The following MTMR7 variants were observed in gnomAD, a reference collection of about 807,000 sequenced individuals.
The protein encoded by MTMR7 is phosphatidylinositol-3-phosphate phosphatase MTMR7.
MTMR7 carries 76 observed loss-of-function variants against 81.2 expected under a neutral mutation model. The observed-to-expected ratio is 0.94, with a 90% CI of 0.78 to 1.13. The LOEUF is 1.13. MTMR7 is among the 50% of genes most tolerant of loss of function. MTMR7 has a pLI of 0.00. For synonymous variants in MTMR7, 372 were observed against 289.8 expected (o/e 1.28, Z -2.88); for missense variants, 1,044 against 820.0 (o/e 1.27, Z -3.34).
Position 17,299,689 on chromosome 8 carries a change from TC to T in MTMR7, c.*172del, listed in dbSNP as rs1816972855. 1 of 786,504 alleles carries T rather than the reference TC, an allele frequency of 1.3e-6. No homozygotes were observed. The highest frequency in any genetic ancestry group is 1.7e-5 in the African/African-American group (1 of 57,328). 48.7% of individuals were successfully genotyped at this position (786,504 alleles called of 1,614,324 possible). ...TTTGATAAATGAAATGACTACGTCC[TC>T]TTCAGTATCTAAGAAATCAAGAACT... On this transcript the variant is annotated 3_prime_UTR_variant, in exon 14 of 14. Coordinates refer to ENST00000180173, the MANE Select transcript of MTMR7 (RefSeq NM_004686.5).
chr8:17,310,335 A>G (rs1162861962), intron 9 of MTMR7, among the ~76,000 whole-genome samples: 1 of 152,112 alleles, frequency 6.6e-6, no homozygotes, highest in Non-Finnish European at 1.5e-5. Flanking sequence ...AGTAATATGG[A>G]TAGTCTCATC....
chr8:17,336,067 G>A (rs17124409), intron 6 of MTMR7, among the ~76,000 whole-genome samples: 2,550 of 152,294 alleles, frequency 0.017, 70 homozygotes, highest in African/African-American at 0.057. Flanking sequence ...CGGTTGACAT[G>A]AGTTGGTCAC....
At chr8:17,350,176 C>G (rs1436838852) in intron 4 of MTMR7, among the ~76,000 whole-genome samples, 1 of 152,200 alleles carries the variant, frequency 6.6e-6, no homozygotes, top group African/African-American at 2.4e-5. Context: ...TGTCAGGCAC[C>G]TCTTTACTTC....
In MTMR7 at chr8:17,366,006, G is replaced by C. The variant is rs528677593; in HGVS notation, c.311-4732C>G. On this transcript the variant is annotated intron_variant, in intron 3 of 13. Transcript: ENST00000180173. ...TGTTCATTGTGCTCCCCTTAACCTA[G>C]GGAAGCCTAGGGCACTACAGTGCAG... 5.3e-5 allele frequency among the ~76,000 whole-genome samples: 8 copies of C among 152,192 alleles called. No homozygotes were observed. In the South Asian group the frequency reaches 1.5e-3, roughly 28 times the overall value.
intron 4 of MTMR7, among the ~76,000 whole-genome samples, chr8:17,350,394 C>G (rs377277476): frequency 2.0e-5 from 3 of 152,230 alleles, no homozygotes; most frequent in East Asian, 3.8e-4. Flanking sequence ...AGAGGCACGT[C>G]TTACGTGGTA....
chr8:17,301,440 AAGGT>A (rs1369001197), intron 13 of MTMR7, among the ~76,000 whole-genome samples: 1 of 152,180 alleles, frequency 6.6e-6, no homozygotes, highest in Non-Finnish European at 1.5e-5. Flanking sequence ...GACAAACACA[AAGGT>A]AGGAAGGTCT....
At chr8:17,309,170 G>T in intron 10 of MTMR7, 107 bp downstream of exon 10, 2 of 746,670 alleles carry the variant, frequency 2.7e-6, no homozygotes, top group South Asian at 3.3e-5. Flanking sequence ...CTGAATAAGA[G>T]ACACAAACTC....
chr8:17,359,045 C>A (rs909540265), intron 4 of MTMR7, among the ~76,000 whole-genome samples: 5 of 152,052 alleles, frequency 3.3e-5, no homozygotes, highest in African/African-American at 1.2e-4. Flanking sequence ...AGGTGCACAC[C>A]TCCATGTCCA....
chr8:17,375,030 A>G (rs1820536022), intron 1 of MTMR7, among the ~76,000 whole-genome samples: 1 of 151,000 alleles, frequency 6.6e-6, no homozygotes, highest in Non-Finnish European at 1.5e-5. Flanking sequence ...CAGAGGTTGC[A>G]GTGAGCCGAG....
chr8:17,352,758 G>C (rs544214420), intron 4 of MTMR7, among the ~76,000 whole-genome samples: 1 of 152,238 alleles, frequency 6.6e-6, no homozygotes, highest in Admixed American at 6.5e-5. Context: ...TGTTAGGATG[G>C]CCACTATTAC....
intron 5 of MTMR7, among the ~76,000 whole-genome samples, chr8:17,345,013 A>G (rs1819508963): frequency 6.6e-6 from 1 of 152,194 alleles, no homozygotes; most frequent in Admixed American, 6.5e-5. Flanking sequence ...TAGCAATTCT[A>G]AGAACTCTCA....
At chr8:17,307,260 AT>A (rs1473523826) in intron 10 of MTMR7, among the ~76,000 whole-genome samples, 1 of 152,252 alleles carries the variant, frequency 6.6e-6, no homozygotes, top group Non-Finnish European at 1.5e-5. Flanking sequence ...GAAGACATTT[AT>A]GCAGCCAAAA....
At chr8:17,316,232 G>A (rs748242937) in intron 7 of MTMR7, among the ~76,000 whole-genome samples, 1 of 151,674 alleles carries the variant, frequency 6.6e-6, no homozygotes, top group Non-Finnish European at 1.5e-5. Flanking sequence ...ATTTATGTTA[G>A]CCCTTATTAC....
chr8:17,378,863 A>T (rs569095180), intron 1 of MTMR7, among the ~76,000 whole-genome samples: 80 of 152,298 alleles, frequency 5.3e-4, no homozygotes, highest in African/African-American at 1.7e-3. Context: ...GATGTCTTAG[A>T]TTTGTTGAAA....
chr8:17,323,885 A>T (rs1232404562), intron 7 of MTMR7, among the ~76,000 whole-genome samples: 2 of 152,194 alleles, frequency 1.3e-5, no homozygotes, highest in African/African-American at 4.8e-5. Context: ...GTTCTCTGAA[A>T]ATCTGCCATC....
chr8:17,395,390 G>A (rs1435455005), intron 1 of MTMR7, among the ~76,000 whole-genome samples: 1 of 152,142 alleles, frequency 6.6e-6, no homozygotes, highest in African/African-American at 2.4e-5. Flanking sequence ...GGGCATACCA[G>A]TATCTGTTTG....
At chr8:17,378,661 G>T (rs150895996) in intron 1 of MTMR7, among the ~76,000 whole-genome samples, 24 of 152,286 alleles carry the variant, frequency 1.6e-4, no homozygotes, top group African/African-American at 5.5e-4. Context: ...CTCTGAAAAA[G>T]GCTATGGAAA....
chr8:17,302,203 A>G lies in MTMR7; in HGVS notation c.1571T>C (p.Val524Ala), dbSNP rs1184742600. ...RQSVTDYLMAVKEETQQLEEE... is the reference protein window; with the variant it reads ...RQSVTDYLMAAKEETQQLEEE... ...CTCTAGCTGCTGAGTTTCTTCCTTC[A>G]CTGCCATTAGGTAATCTGTAACTGA... The change falls in exon 13 of 14, where the codon GTG (valine) becomes GCG (alanine). Residue 524 changes from valine (V) to alanine (A), a missense_variant. Transcript: ENST00000180173. 2.5e-6 allele frequency: 4 copies of G among 1,613,934 alleles called. No individual in the cohort carries two copies. The highest frequency in any genetic ancestry group is 3.4e-6 in the Non-Finnish European group (4 of 1,179,978).
At chr8:17,334,940 G>A (rs560551939) in intron 6 of MTMR7, among the ~76,000 whole-genome samples, 15 of 152,232 alleles carry the variant, frequency 9.9e-5, no homozygotes, top group African/African-American at 3.1e-4. Flanking sequence ...ACCAATGAGC[G>A]AACCACTCCA....
Sources: allele counts gnomAD v4.1 joint callset (sites outside exome capture counted in the v4.1 genomes callset), GRCh38; gene constraint gnomAD v4.1.1; transcripts MANE v1.5; gene names NCBI Gene and HGNC (gene_info 2026-07-23, HGNC 2026-07-21).